The following ANKRD44 variants were observed in gnomAD, a reference collection of about 807,000 sequenced individuals.
ANKRD44 encodes ankyrin repeat domain 44, also known as serine/threonine-protein phosphatase 6 regulatory ankyrin repeat subunit B.
In ANKRD44, 35 loss-of-function variants were observed where a neutral mutation model predicts 116.0. The observed-to-expected ratio is 0.30, with a 90% CI of 0.23 to 0.40. ANKRD44 has a LOEUF of 0.40. ANKRD44 is among the 10% of genes least tolerant of loss of function. The probability of loss-of-function intolerance (pLI) is 1.00; values close to 1 mark genes in which losing one functional copy is unlikely to be tolerated. For missense variants in ANKRD44, 1,014 were observed against 1,242.6 expected (o/e 0.82, Z 2.77); for synonymous variants, 435 against 461.8 (o/e 0.94, Z 0.74).
intron 9 of ANKRD44, among the ~76,000 whole-genome samples, chr2:197,110,443 T>C (rs1195671249): frequency 6.6e-6 from 1 of 152,240 alleles, no homozygotes; most frequent in Non-Finnish European, 1.5e-5. Context: ...GGAAAATGAA[T>C]GCTACTTACC....
chr2:196,992,340 A>C (rs2075935093), intron 27 of ANKRD44, among the ~76,000 whole-genome samples: 1 of 152,166 alleles, frequency 6.6e-6, no homozygotes, highest in Admixed American at 6.5e-5. Context: ...TTAACATTCC[A>C]TTTCACGAAA....
At chr2:197,305,974 T>C (rs1273520719) in intron 1 of ANKRD44, among the ~76,000 whole-genome samples, 1 of 144,380 alleles carries the variant, frequency 6.9e-6, no homozygotes, top group African/African-American at 2.6e-5. Flanking sequence ...GTTTTATATA[T>C]ATATATATAT....
intron 2 of ANKRD44, among the ~76,000 whole-genome samples, chr2:197,148,251 C>CT (rs1394334562): frequency 6.6e-6 from 1 of 152,154 alleles, no homozygotes; most frequent in African/African-American, 2.4e-5. Flanking sequence ...AGACTGAAAA[C>CT]TTCCTGGAGT....
At chr2:197,210,992 G>C (rs1482074894) in intron 1 of ANKRD44, among the ~76,000 whole-genome samples, 1 of 152,156 alleles carries the variant, frequency 6.6e-6, no homozygotes, top group East Asian at 1.9e-4. Context: ...ATAGTATGTA[G>C]ACGCCACTGT....
chr2:197,197,263 G>A (rs897930096), intron 1 of ANKRD44, among the ~76,000 whole-genome samples: 1 of 152,132 alleles, frequency 6.6e-6, no homozygotes, highest in Non-Finnish European at 1.5e-5. Context: ...AGAGAGAGGA[G>A]CCTAAGAGAC....
rs142883356 is a variant in ANKRD44, at chr2:197,085,328, C to T, written c.1316+1352G>A. On this transcript the variant is annotated intron_variant, in intron 13 of 27. Transcript: ENST00000282272. ...GAGAAAATGATACCCAGTTCTTGTC[C>T]TGAGGAGGCTCACAGTCAGGTGGGG... Among the ~76,000 whole-genome samples the T allele has an allele frequency of 7.0e-3, 1,073 of 152,244 alleles. 5 individuals are homozygous for T. Among genetic ancestry groups the T allele is most frequent in the Non-Finnish European group, 0.011 (774 of 68,008 alleles).
intron 16 of ANKRD44, 43 bp downstream of exon 16, chr2:197,078,660 G>A (rs1452202569): frequency 5.3e-6 from 5 of 936,166 alleles, no homozygotes; most frequent in African/African-American, 1.7e-5. Flanking sequence ...TTTGGGGTAT[G>A]TGTGTGTGTG....
At chr2:197,123,312 C>T (rs1014232094) in intron 6 of ANKRD44, among the ~76,000 whole-genome samples, 1 of 152,184 alleles carries the variant, frequency 6.6e-6, no homozygotes, top group African/African-American at 2.4e-5. Flanking sequence ...ATTACATATG[C>T]CTCAACTTAA....
intron 2 of ANKRD44, among the ~76,000 whole-genome samples, chr2:197,166,212 C>G (rs2080098597): frequency 6.6e-6 from 1 of 152,214 alleles, no homozygotes; most frequent in East Asian, 1.9e-4. Flanking sequence ...CTCCTGGATT[C>G]TGAAAGCTTT....
At chr2:196,968,919 T>C (rs1375246306) in intron 21 of ANKRD44, among the ~76,000 whole-genome samples, 1 of 152,200 alleles carries the variant, frequency 6.6e-6, no homozygotes, top group African/African-American at 2.4e-5. Context: ...CATTAGTGCT[T>C]AAATATTCAG....
In ANKRD44 at chr2:197,026,666, A is replaced by T. The variant is rs750894662; in HGVS notation, c.1651-1399T>A. Among the ~76,000 whole-genome samples, 12 of 152,230 alleles carry T rather than the reference A, an allele frequency of 7.9e-5. 1 individual carries two copies. Among genetic ancestry groups the T allele is most frequent in the Admixed American group, 5.9e-4 (9 of 15,294 alleles). ...AGAATTTTGACTTTTATCCCAAGTG[A>T]GGTGGAAATTCAGTGGAGTGTTTTG... On this transcript the variant is annotated intron_variant, in intron 16 of 27. Coordinates refer to ENST00000282272, the MANE Select transcript of ANKRD44 (RefSeq NM_001195144.2).
At chr2:197,010,875 G>A (rs551843954) in intron 18 of ANKRD44, among the ~76,000 whole-genome samples, 1 of 152,322 alleles carries the variant, frequency 6.6e-6, no homozygotes, top group Non-Finnish European at 1.5e-5. Context: ...CCAGCCACGA[G>A]AGAATGCTAA....
intron 3 of ANKRD44, among the ~76,000 whole-genome samples, chr2:197,143,755 G>C (rs754336607): frequency 4.6e-5 from 7 of 151,992 alleles, no homozygotes; most frequent in Non-Finnish European, 1.0e-4. Flanking sequence ...TCAGCCTCCT[G>C]AGTAGCTGGG....
chr2:197,275,428 C>CAAAAAAAAA, intron 1 of ANKRD44, among the ~76,000 whole-genome samples: 1 of 97,284 alleles, frequency 1.0e-5, no homozygotes, highest in Non-Finnish European at 2.1e-5. Flanking sequence ...CCAGTCTCTT[C>CAAAAAAAAA]AAAAAAAAAA....
chr2:197,221,467 G>A (rs2081585589), intron 1 of ANKRD44, among the ~76,000 whole-genome samples: 1 of 152,030 alleles, frequency 6.6e-6, no homozygotes, highest in African/African-American at 2.4e-5. Context: ...TTGAAGAAAT[G>A]TCATCTCACT....
intron 1 of ANKRD44, among the ~76,000 whole-genome samples, chr2:197,272,934 T>C (rs908173209): frequency 2.6e-5 from 4 of 152,194 alleles, no homozygotes; most frequent in African/African-American, 9.6e-5. Context: ...TTAATTTGGG[T>C]TATAAATAAC....
Position 197,058,284 on chromosome 2 carries a change from G to A in ANKRD44, c.1650+20419C>T, listed in dbSNP as rs529771462. ...ACTGCTTCACTCCATGCCTGACACC[G>A]CAGGTCCCCAAAGTCACCAAATGTT... On this transcript the variant is annotated intron_variant, in intron 16 of 27. Transcript: ENST00000282272. Among the ~76,000 whole-genome samples, 13 of 152,170 alleles carry A rather than the reference G, an allele frequency of 8.5e-5. No individual in the cohort carries two copies. In the South Asian group the frequency reaches 1.2e-3, roughly 15 times the overall value.
intron 8 of ANKRD44, among the ~76,000 whole-genome samples, chr2:197,118,328 C>G (rs918536660): frequency 6.6e-6 from 1 of 151,936 alleles, no homozygotes; most frequent in African/African-American, 2.4e-5. Context: ...TGGCTCACAC[C>G]TGTAATCCCA....
chr2:197,040,945 C>T (rs62279183), intron 16 of ANKRD44, among the ~76,000 whole-genome samples: 17,131 of 152,184 alleles, frequency 0.11, 1,130 homozygotes, highest in East Asian at 0.16. Context: ...TCACTCTTCT[C>T]TTATTATGAC....
Sources: allele counts gnomAD v4.1 joint callset (sites outside exome capture counted in the v4.1 genomes callset), GRCh38; gene constraint gnomAD v4.1.1; transcripts MANE v1.5; gene names NCBI Gene and HGNC (gene_info 2026-07-23, HGNC 2026-07-21).